HHIPL1: variants seen among roughly 807,000 people sequenced by gnomAD.
HHIPL1 encodes HHIP-like protein 1.
In HHIPL1, 43 loss-of-function variants were observed where a neutral mutation model predicts 61.8. The observed-to-expected ratio is 0.70, with a 90% CI of 0.55 to 0.90. The LOEUF (loss-of-function observed/expected upper bound fraction) is 0.90, where lower values mean the gene tolerates loss of function less well. HHIPL1 is among the 40% of genes least tolerant of loss of function. The probability of loss-of-function intolerance (pLI) is 0.00; values close to 1 mark genes in which losing one functional copy is unlikely to be tolerated. For synonymous variants in HHIPL1, 482 were observed against 515.8 expected (o/e 0.93, Z 0.89); for missense variants, 1,056 against 1,157.7 (o/e 0.91, Z 1.28).
At chr14:99,638,054 T>C in the HHIPL1 span, among the ~76,000 whole-genome samples, 734 of 152,342 alleles carry the variant, frequency 4.8e-3, 2 homozygotes, top group Non-Finnish European at 8.3e-3. Context: ...GGTGGTGTGT[T>C]CCTGGGTGTT....
chr14:99,660,009 G>T lies in HHIPL1; in HGVS notation c.1375+253G>T, dbSNP rs1283905834. 1.3e-5 allele frequency among the ~76,000 whole-genome samples: 2 copies of T among 150,868 alleles called. No individual in the cohort carries two copies. The highest frequency in any genetic ancestry group is 2.1e-4 in the South Asian group (1 of 4,732). The stretch of plus-strand genomic sequence containing the variant: ...CGGGCTGTGAGCCAAAGCCTCCTTC[G>T]GTGACTGCCCCCGCCTCCACCCGGA... On this transcript the variant is annotated intron_variant, in intron 4 of 8. Coordinates refer to ENST00000330710, the MANE Select transcript of HHIPL1 (RefSeq NM_001127258.3). This position sits in a 1 kb window ranked among gnomAD's most constrained non-coding sequence, Gnocchi z 4.9.
chr14:99,652,970 T>A, intron 2 of HHIPL1, 100 bp downstream of exon 2: 1 of 1,194,210 alleles, frequency 8.4e-7, no homozygotes, highest in Non-Finnish European at 1.2e-6. Context: ...ATTGTGAATA[T>A]TTAACACACC....
chr14:99,622,097 T>C, the HHIPL1 span, among the ~76,000 whole-genome samples: 2 of 152,006 alleles, frequency 1.3e-5, no homozygotes, highest in African/African-American at 4.8e-5. Context: ...CAATTGACCT[T>C]TTGCTCCTGA....
the HHIPL1 span, among the ~76,000 whole-genome samples, chr14:99,613,603 T>C: frequency 6.6e-6 from 1 of 151,978 alleles, no homozygotes; most frequent in Admixed American, 6.5e-5. Context: ...CAGGCCTGAA[T>C]GTGTTTTTAA....
chr14:99,613,024 T>C, the HHIPL1 span, among the ~76,000 whole-genome samples: 6 of 152,316 alleles, frequency 3.9e-5, no homozygotes, highest in East Asian at 1.2e-3. Context: ...TAATTGTTAA[T>C]GTGGCTTCTG....
upstream of HHIPL1, among the ~76,000 whole-genome samples, chr14:99,644,858 G>T (rs1388861024): frequency 6.6e-6 from 1 of 152,230 alleles, no homozygotes; most frequent in Non-Finnish European, 1.5e-5. Context: ...AAGCCCAGGA[G>T]TCCAGGCCTC....
intron 8 of HHIPL1, 119 bp downstream of exon 8, chr14:99,672,518 C>A: frequency 1.3e-6 from 1 of 778,504 alleles, no homozygotes; most frequent in Non-Finnish European, 2.2e-6. Flanking sequence ...TCTTCAGCCC[C>A]TGTGCCTAGC....
Position 99,652,650 on chromosome 14 carries a change from C to T in HHIPL1, c.682C>T (p.Leu228=), listed in dbSNP as rs866064582. ...GGCCTACCTGCCCGACCGCTCGAGG[C>T]TGGGGAAGCCTTTCCTGAACATCAG... ...VWAYLPDRSR[L]GKPFLNISRV... Residue 228 remains leucine (L), a synonymous_variant, in exon 2 of 9, where the codon CTG becomes TTG. Coordinates refer to ENST00000330710, the MANE Select transcript of HHIPL1 (RefSeq NM_001127258.3). The T allele has an allele frequency of 2.5e-5, 40 of 1,613,550 alleles. 2 individuals carry two copies. The Middle Eastern group carries it at 3.8e-3, about 152-fold the overall frequency.
In HHIPL1 at chr14:99,659,531, G is replaced by A; in HGVS notation, c.1150G>A (p.Ala384Thr). 1 of 1,543,690 alleles carries A rather than the reference G, an allele frequency of 6.5e-7. No homozygotes were observed. Among genetic ancestry groups the A allele is most frequent in the Non-Finnish European group, 8.7e-7 (1 of 1,148,726 alleles). ...PDNPFVGDPA[A>T]QPEVYALGVR... ...CAACCCGTTCGTGGGCGACCCCGCG[G>A]CGCAGCCCGAGGTCTACGCCCTGGG... Residue 384 changes from alanine to threonine, a missense_variant, in exon 4 of 9, where the codon GCG becomes ACG. Coordinates refer to ENST00000330710, the MANE Select transcript of HHIPL1 (RefSeq NM_001127258.3).
At chr14:99,662,845 G>T (rs768080469) in intron 5 of HHIPL1, 31 bp from the exon 6 acceptor site, 4 of 1,548,610 alleles carry the variant, frequency 2.6e-6, no homozygotes, top group African/African-American at 1.4e-5. Flanking sequence ...GCCATGCCAG[G>T]CATGGCCTCA....
intron 4 of HHIPL1, 70 bp downstream of exon 4, chr14:99,659,826 G>A: frequency 1.2e-6 from 1 of 860,688 alleles, no homozygotes. Context: ...CTGTGCCGCA[G>A]GGCCTCCCTC....
chr14:99,642,515 A>T (rs535566861), upstream of HHIPL1, among the ~76,000 whole-genome samples: 4 of 148,844 alleles, frequency 2.7e-5, no homozygotes, highest in Admixed American at 6.8e-5. Context: ...TTGACTTTTA[A>T]TATATCTTTT....
the HHIPL1 span, among the ~76,000 whole-genome samples, chr14:99,637,124 GAA>G: frequency 7.2e-5 from 8 of 111,646 alleles, 1 homozygote; most frequent in Non-Finnish European, 1.1e-4. Context: ...AGAAAGAAAA[GAA>G]AGAGAGAGAG....
Position 99,670,513 on chromosome 14 carries a change from C to T in HHIPL1, c.1731-1804C>T, listed in dbSNP as rs144122134. ...TAGTGGTTGCGTCTGCTTAGCTTTC[C>T]CCTGTTTGTGTCAGCTTCTCACTTT... is the stretch of plus-strand genomic sequence containing the variant. On this transcript the variant is annotated intron_variant, in intron 7 of 8. Transcript: ENST00000330710. Among the ~76,000 whole-genome samples, 443 of 152,272 alleles carry T rather than the reference C, an allele frequency of 2.9e-3. 3 individuals are homozygous for T. Among genetic ancestry groups the T allele is most frequent in the African/African-American group, 9.7e-3 (402 of 41,550 alleles).
At chr14:99,653,305 C>T (rs571473749) in intron 2 of HHIPL1, among the ~76,000 whole-genome samples, 3 of 147,422 alleles carry the variant, frequency 2.0e-5, no homozygotes, top group Non-Finnish European at 4.5e-5. Flanking sequence ...CAGCCTGCCT[C>T]GCTCTGGCCT....
In HHIPL1 at chr14:99,675,315, G is replaced by A; in HGVS notation, c.2038G>A (p.Gly680Ser). 7.1e-7 allele frequency: 1 copy of A among 1,399,624 alleles called. No homozygotes were observed. Among genetic ancestry groups the A allele is most frequent in the East Asian group, 3.0e-5 (1 of 33,534 alleles). The allele number at this position is 1,399,624 out of a possible 1,614,324, so 86.7% of individuals were successfully genotyped here. A position where few individuals can be genotyped will look rare whatever the true frequency, so the allele number is the denominator to read the frequency against. Reference sequence around the variant, plus strand: ...CGAGGTGCGCCTGGTGCGGCCCGCGGGCCTGAGCTCTGGCAGCGGGCGCGT... The same window carrying A: ...CGAGGTGCGCCTGGTGCGGCCCGCGAGCCTGAGCTCTGGCAGCGGGCGCGT... ...DGEVRLVRPA[G>S]LSSGSGRVEV... The change falls in exon 9 of 9, where the codon GGC becomes AGC. Residue 680 changes from glycine to serine, a missense_variant. Physicochemically the swap from Gly to Ser is moderately conservative, Grantham distance 56 (BLOSUM62 0). Transcript: ENST00000330710. The surrounding 1 kb of genome is among the most constrained non-coding windows in gnomAD (Gnocchi z 5.4).
In HHIPL1 at chr14:99,659,447, G is replaced by T; in HGVS notation, c.1066G>T (p.Val356Leu). ...CCGCAGGTCGGCGCTGCTGGGCAAG[G>T]TGCTGCGCATCGACGTGGACCGTAA... Reference protein sequence around the residue: ...AQNKSALLGKVLRIDVDRKER... With the variant: ...AQNKSALLGKLLRIDVDRKER... The change falls in exon 4 of 9, where the codon GTG (valine) becomes TTG (leucine). Residue 356 changes from valine to leucine, a missense_variant. Val to Leu is a conservative substitution (Grantham distance 32, BLOSUM62 1). Coordinates refer to ENST00000330710, the MANE Select transcript of HHIPL1 (RefSeq NM_001127258.3). The T allele has an allele frequency of 6.7e-7, 1 of 1,494,906 alleles. No homozygotes were observed. Among genetic ancestry groups the T allele is most frequent in the Non-Finnish European group, 8.9e-7 (1 of 1,124,858 alleles). 92.6% of individuals were successfully genotyped at this position (1,494,906 alleles called of 1,614,324 possible).
Position 99,659,724 on chromosome 14 carries a change from AC to A in HHIPL1, c.1344del (p.Tyr448Ter). The A allele has an allele frequency of 6.8e-7, 1 of 1,468,930 alleles. No individual in the cohort carries two copies. Among genetic ancestry groups the A allele is most frequent in the Non-Finnish European group, 9.0e-7 (1 of 1,115,794 alleles). The allele number at this position is 1,468,930 out of a possible 1,614,324, so 91.0% of individuals were successfully genotyped here. On this transcript the variant is annotated frameshift_variant, in exon 4 of 9. Coordinates refer to ENST00000330710, the MANE Select transcript of HHIPL1 (RefSeq NM_001127258.3). LOFTEE classifies it high-confidence loss of function. ...CGCGCGCGCGAAGGGTTCGAGTGCT[AC>A]GACCGCAGCCTGTGCGCCAACACCT... The part of the protein sequence containing the change: ...GWRAREGFEC[Y>X]DRSLCANTSL...
intron 8 of HHIPL1, among the ~76,000 whole-genome samples, chr14:99,673,352 G>A (rs560455085): frequency 6.6e-6 from 1 of 151,534 alleles, no homozygotes; most frequent in East Asian, 2.0e-4. Context: ...CTGGCTCCAT[G>A]CTGGATGCCA....
Sources: gnomAD v4.1 joint callset for allele counts (sites outside exome capture counted in the v4.1 genomes callset) on GRCh38, gnomAD v4.1.1 for gene constraint, Gnocchi (gnomAD v3.1) non-coding constraint, MANE v1.5 for transcripts, NCBI Gene and HGNC (gene_info 2026-07-23, HGNC 2026-07-21) for gene names.